Variants in FAM53B observed in about 807,000 individuals in gnomAD.
FAM53B encodes protein FAM53B.
FAM53B carries 12 observed loss-of-function variants against 32.7 expected under a neutral mutation model. The observed-to-expected ratio is 0.37, with a 90% confidence interval of 0.24 to 0.59. FAM53B has a LOEUF of 0.59. FAM53B is among the 20% of genes least tolerant of loss of function. FAM53B has a pLI of 0.72. For synonymous variants in FAM53B, 234 were observed against 228.7 expected, an observed-to-expected ratio of 1.02 and a Z score of -0.21; for missense variants, 477 against 577.7, an observed-to-expected ratio of 0.83 and a Z score of 1.79.
At chr10:124,671,415 T>G (rs1049991434) in intron 4 of FAM53B, among the ~76,000 whole-genome samples, 1 of 152,226 alleles carries the variant, frequency 6.6e-6, no homozygotes, top group Non-Finnish European at 1.5e-5. Flanking sequence ...ATATTAATAC[T>G]TCGTTTTCTC....
chr10:124,667,367 G>A (rs1322330174), intron 4 of FAM53B: 1 of 757,740 alleles, frequency 1.3e-6, no homozygotes, highest in African/African-American at 1.7e-5. Context: ...CTTCCTCTAA[G>A]ACTCAGCCAC....
rs75675941 is a variant in FAM53B at position 124,673,002 on chromosome 10, G to C, written c.906+8605C>G. 2.4e-3 allele frequency among the ~76,000 whole-genome samples: 366 copies of C among 152,340 alleles called. 3 individuals are homozygous for C. The highest frequency in any genetic ancestry group is 8.5e-3 in the African/African-American group (354 of 41,570). On this transcript the variant is annotated intron_variant, in intron 4 of 4. Transcript: ENST00000337318. ...CACACACTAAACAGGGTAGCTTAAA[G>C]AAAGTTGCCACCTTTGGGGATTAGG...
intron 2 of FAM53B, 67 bp from the exon 3 acceptor site, chr10:124,696,279 G>A: frequency 7.6e-7 from 1 of 1,319,684 alleles, no homozygotes; most frequent in Non-Finnish European, 1.1e-6. Context: ...TGACTCTACT[G>A]ATCCCTTCTA....
Position 124,691,845 on chromosome 10 carries a change from G to A in FAM53B, c.133+4313C>T, listed in dbSNP as rs143929663. Among the ~76,000 whole-genome samples, 142 of 152,276 alleles carry A rather than the reference G, an allele frequency of 9.3e-4. 2 individuals are homozygous for A. Among genetic ancestry groups the A allele is most frequent in the Non-Finnish European group, 1.4e-3 (96 of 68,022 alleles). On this transcript the variant is annotated intron_variant, in intron 3 of 4. Coordinates refer to ENST00000337318, the MANE Select transcript of FAM53B (RefSeq NM_014661.4). Reference sequence around the variant, plus strand: ...TGACTGAGAGTCCACGCGTGGCCCCGCTTCTCCCCACACAGGATGACTCTC... The same window carrying A: ...TGACTGAGAGTCCACGCGTGGCCCCACTTCTCCCCACACAGGATGACTCTC...
intron 4 of FAM53B, among the ~76,000 whole-genome samples, chr10:124,661,805 T>C (rs1213457690): frequency 3.9e-5 from 6 of 152,240 alleles, no homozygotes; most frequent in Admixed American, 2.0e-4. Context: ...TGATCCAATC[T>C]TAGCCTGCTT....
At chr10:124,700,675 G>C (rs918550190) in intron 2 of FAM53B, among the ~76,000 whole-genome samples, 2 of 152,202 alleles carry the variant, frequency 1.3e-5, no homozygotes, top group African/African-American at 4.8e-5. Context: ...AGCAGCCCTG[G>C]CTTAAATAAA....
rs74160946 is a variant in FAM53B, at chr10:124,643,168, C to T, written c.907-19564G>A. ...GCTGTCTGTCTCTGGAGAGAAACGT[C>T]AATTGTTGGAACGCTCAGGTTAAGG... On this transcript the variant is annotated intron_variant, in intron 4 of 4. Transcript: ENST00000337318. Among the ~76,000 whole-genome samples the T allele has an allele frequency of 6.3e-3, 963 of 152,310 alleles. 14 individuals carry two copies. Among genetic ancestry groups the T allele is most frequent in the African/African-American group, 0.022 (925 of 41,572 alleles).
In FAM53B at chr10:124,744,314, T is replaced by G. The variant is rs1220062067; in HGVS notation, c.-476A>C. ...CGGGCGGTGTCGCGGGCCCGGGCGCTAGGCGCGGCGGCGGCGTGCAGGAGG... is the reference window on the plus strand; with the variant it reads ...CGGGCGGTGTCGCGGGCCCGGGCGCGAGGCGCGGCGGCGGCGTGCAGGAGG... On this transcript the variant is annotated 5_prime_UTR_variant, in exon 1 of 5. Coordinates refer to ENST00000337318, the MANE Select transcript of FAM53B (RefSeq NM_014661.4). The G allele has an allele frequency of 1.4e-5, 2 of 147,162 alleles. No individual in the cohort carries two copies. Among genetic ancestry groups the G allele is most frequent in the African/African-American group, 2.5e-5 (1 of 40,718 alleles). 9.1% of individuals were successfully genotyped at this position (147,162 alleles called of 1,614,324 possible).
At chr10:124,624,291 G>C (rs1949331453) in intron 4 of FAM53B, among the ~76,000 whole-genome samples, 1 of 152,232 alleles carries the variant, frequency 6.6e-6, no homozygotes, top group Non-Finnish European at 1.5e-5. Flanking sequence ...TCCTGAGCCT[G>C]GTGTGTAACA....
Position 124,706,732 on chromosome 10 carries a change from TG to T in FAM53B, c.-20del. 1 of 1,614,004 alleles carries T rather than the reference TG, an allele frequency of 6.2e-7. No homozygotes were observed. The highest frequency in any genetic ancestry group is 8.5e-7 in the Non-Finnish European group (1 of 1,179,966). On this transcript the variant is annotated 5_prime_UTR_variant, in exon 2 of 5. It removes the in-frame stop codon of an upstream open reading frame in the 5' UTR. Transcript: ENST00000337318. ...TCACCATGATAAGGGCCTCAGGCGC[TG>T]GGCTCCATCCCAGGGTGGGTATCAG...
chr10:124,648,659 G>A (rs1323766240), intron 4 of FAM53B, among the ~76,000 whole-genome samples: 1 of 152,288 alleles, frequency 6.6e-6, no homozygotes, highest in Non-Finnish European at 1.5e-5. Context: ...GCACCAACAA[G>A]CCCCTAAAGG....
At position 124,651,792 on chromosome 10, in the gene FAM53B, C is replaced by T. The variant is rs756848280; in HGVS notation, c.907-28188G>A. 1.3e-5 allele frequency among the ~76,000 whole-genome samples: 2 copies of T among 152,218 alleles called. No individual in the cohort carries two copies. Among genetic ancestry groups the T allele is most frequent in the South Asian group, 2.1e-4 (1 of 4,826 alleles). ...TGGGCACTGGCACATGGCGGGGACA[C>T]GCCACCCCTGCTGTCTACTATGACT... On this transcript the variant is annotated intron_variant, in intron 4 of 4. Transcript: ENST00000337318. This position sits in a 1 kb window ranked among gnomAD's most constrained non-coding sequence, Gnocchi z 5.2.
chr10:124,626,940 G>A (rs1486706030), intron 4 of FAM53B, among the ~76,000 whole-genome samples: 2 of 152,252 alleles, frequency 1.3e-5, no homozygotes, highest in Non-Finnish European at 2.9e-5. Flanking sequence ...CCTTTCTGCT[G>A]TGAAGCAGGG....
intron 4 of FAM53B, among the ~76,000 whole-genome samples, chr10:124,648,781 C>T (rs876352): frequency 0.27 from 41,269 of 152,278 alleles, 6,455 homozygotes; most frequent in South Asian, 0.39. Context: ...CCCGCCTGTT[C>T]GGGGCTCCTT....
In FAM53B at chr10:124,671,634, G is replaced by A. The variant is rs1589745799; in HGVS notation, c.906+9973C>T. On this transcript the variant is annotated intron_variant, in intron 4 of 4. Coordinates refer to ENST00000337318, the MANE Select transcript of FAM53B (RefSeq NM_014661.4). ...CCATGAGGAGTAAATGCAGTCTGTG[G>A]CCCTTCAGGGAGAGGGTGGGGTGCC... Among the ~76,000 whole-genome samples, 8 of 152,210 alleles carry A rather than the reference G, an allele frequency of 5.3e-5. No individual in the cohort carries two copies. In the South Asian group the frequency reaches 1.7e-3, roughly 32 times the overall value.
At chr10:124,662,529 T>G (rs1018139674) in intron 4 of FAM53B, among the ~76,000 whole-genome samples, 8 of 143,616 alleles carry the variant, frequency 5.6e-5, no homozygotes, top group African/African-American at 2.0e-4. Context: ...CAATAAATTT[T>G]TAGAGGGTGG....
chr10:124,645,369 C>T (rs1422898827), intron 4 of FAM53B, among the ~76,000 whole-genome samples: 1 of 152,222 alleles, frequency 6.6e-6, no homozygotes, highest in African/African-American at 2.4e-5. Flanking sequence ...ATTCAGAGTG[C>T]CCCCTCAGGC....
At position 124,682,354 on chromosome 10, in the gene FAM53B, G is replaced by C. The variant is rs759025156; in HGVS notation, c.159C>G (p.Asp53Glu). Residue 53 changes from aspartate (D) to glutamate (E), a missense_variant, in exon 4 of 5, where the codon GAC (aspartate) becomes GAG (glutamate). By Grantham distance (45) the Asp-to-Glu change is conservative (BLOSUM62 2). Around this residue, in one of 2 missense-constraint regions of FAM53B, gnomAD observed 312 missense variants for 420.2 expected, o/e 0.74. Coordinates refer to ENST00000337318, the MANE Select transcript of FAM53B (RefSeq NM_014661.4). This position sits in a 1 kb window ranked among gnomAD's most constrained non-coding sequence, Gnocchi z 5.2. ...GGTCAATCTGAAGAGGGCATTTCCT[G>C]TCCAGGTCTCGCCATCTGTCATTTT... ...IMENDRWRDL[D>E]RKCPLQIDQP... The C allele has an allele frequency of 6.2e-7, 1 of 1,604,592 alleles. No homozygotes were observed. Among genetic ancestry groups the C allele is most frequent in the Non-Finnish European group, 8.5e-7 (1 of 1,173,526 alleles).
At chr10:124,676,358 G>A (rs988263033) in intron 4 of FAM53B, among the ~76,000 whole-genome samples, 3 of 152,194 alleles carry the variant, frequency 2.0e-5, no homozygotes, top group African/African-American at 7.2e-5. Flanking sequence ...GAGAGGAAGG[G>A]TGCTGAGGGT....
Sources: allele counts gnomAD v4.1 joint callset (sites outside exome capture counted in the v4.1 genomes callset), GRCh38; gene constraint gnomAD v4.1.1; regional missense constraint gnomAD v4.1.1; non-coding constraint Gnocchi (gnomAD v3.1); transcripts MANE v1.5; gene names NCBI Gene and HGNC (gene_info 2026-07-23, HGNC 2026-07-21).